The following FGF13 variants were observed in gnomAD, a reference collection of about 807,000 sequenced individuals.
The protein encoded by FGF13 is fibroblast growth factor 13.
In FGF13, 2 loss-of-function variants were observed where a neutral mutation model predicts 19.5. That is an observed-to-expected ratio of 0.10 (90% CI 0.04 to 0.32). The LOEUF (loss-of-function observed/expected upper bound fraction) is 0.32. Among genes scored for constraint, FGF13 ranks in the 10% least tolerant of loss-of-function variants. The pLI is 1.00. For synonymous variants in FGF13, 72 were observed against 76.9 expected (o/e 0.94, Z 0.33); for missense variants, 113 against 192.7 (o/e 0.59, Z 2.45).
chrX:138,667,386 G>A (rs1441962607), intron 3 of FGF13, among the ~76,000 whole-genome samples: 5 of 109,348 alleles, frequency 4.6e-5, no homozygotes, highest in Non-Finnish European at 9.5e-5. Flanking sequence ...CTCTTGGTTG[G>A]GGGACTTTGT....
intron 1 of FGF13, among the ~76,000 whole-genome samples, chrX:138,936,881 G>A (rs781517811): frequency 1.2e-4 from 13 of 111,821 alleles, no homozygotes; most frequent in Non-Finnish European, 2.4e-4. Flanking sequence ...ATAGGGTAAA[G>A]ATTATACTTC....
chrX:138,977,985 C>A lies in FGF13; in HGVS notation c.-112-113335G>T, dbSNP rs186669332. On this transcript the variant is annotated intron_variant, in intron 1 of 2. Coordinates refer to the FGF13 transcript ENST00000421460. ...AACTCCATTTTTTATTCAGATTAGC[C>A]GGATTTCAAGTGCTCAAGAGCCATA... Among the ~76,000 whole-genome samples the A allele has an allele frequency of 1.7e-3, 189 of 111,520 alleles. 1 individual carries two copies. Among genetic ancestry groups the A allele is most frequent in the African/African-American group, 5.9e-3 (180 of 30,691 alleles).
intron 1 of FGF13, among the ~76,000 whole-genome samples, chrX:138,727,926 T>C (rs1042784234): frequency 9.0e-6 from 1 of 111,699 alleles, no homozygotes; most frequent in Non-Finnish European, 1.9e-5. Flanking sequence ...TAACAATAAA[T>C]ATGAAAAAGA....
intron 1 of FGF13, among the ~76,000 whole-genome samples, chrX:139,075,725 G>A (rs966333786): frequency 3.6e-5 from 4 of 112,044 alleles, no homozygotes; most frequent in African/African-American, 6.5e-5. Flanking sequence ...TGCCATTAGT[G>A]CAGAATGGGT....
intron 3 of FGF13, among the ~76,000 whole-genome samples, chrX:138,687,730 C>T (rs1321246640): frequency 9.0e-6 from 1 of 111,670 alleles, no homozygotes; most frequent in Non-Finnish European, 1.9e-5. Flanking sequence ...TTCACAATAG[C>T]CGTGATATGG....
intron 3 of FGF13, among the ~76,000 whole-genome samples, chrX:138,770,810 G>T: frequency 9.0e-6 from 1 of 111,499 alleles, no homozygotes; most frequent in East Asian, 2.8e-4. Flanking sequence ...ATATAAAAAG[G>T]CACCAGCTCG....
At chrX:138,764,047 C>A (rs1281809138) in intron 3 of FGF13, among the ~76,000 whole-genome samples, 1 of 111,478 alleles carries the variant, frequency 9.0e-6, no homozygotes, top group African/African-American at 3.3e-5. Context: ...CTTTACTTCC[C>A]CCTGCATGAG....
chrX:138,913,773 A>G (rs759251605), intron 1 of FGF13, among the ~76,000 whole-genome samples: 4 of 110,262 alleles, frequency 3.6e-5, no homozygotes, highest in Non-Finnish European at 7.6e-5. Flanking sequence ...ATATGACTTG[A>G]CTGTTTTTTC....
intron 1 of FGF13, among the ~76,000 whole-genome samples, chrX:139,184,591 C>CT (rs1378340749): frequency 9.0e-6 from 1 of 110,830 alleles, no homozygotes; most frequent in Non-Finnish European, 1.9e-5. Context: ...GATAACATAT[C>CT]TTTTTTACCT....
intron 1 of FGF13, among the ~76,000 whole-genome samples, chrX:139,174,722 T>C (rs1376197433): frequency 1.8e-5 from 2 of 111,815 alleles, no homozygotes; most frequent in Non-Finnish European, 3.8e-5. Flanking sequence ...GTGGCTTTAT[T>C]TCTGAGGCCT....
At chrX:139,024,641 A>T (rs1166537957) in intron 1 of FGF13, among the ~76,000 whole-genome samples, 1 of 111,397 alleles carries the variant, frequency 9.0e-6, no homozygotes, top group Non-Finnish European at 1.9e-5. Context: ...AGATTAATTC[A>T]TATACTTCCT....
chrX:139,148,718 G>C (rs1160425510), intron 1 of FGF13, among the ~76,000 whole-genome samples: 2 of 110,734 alleles, frequency 1.8e-5, no homozygotes, highest in African/African-American at 6.6e-5. Context: ...ACACTGAAAG[G>C]CCAGGGATGT....
intron 1 of FGF13, among the ~76,000 whole-genome samples, chrX:138,978,048 T>G (rs2091946819): frequency 9.0e-6 from 1 of 111,360 alleles, no homozygotes; most frequent in South Asian, 3.8e-4. Flanking sequence ...GCAGCTATCA[T>G]AGCAGAAAGT....
chrX:139,195,483 GTTGTTTAC>G (rs2084364430), intron 1 of FGF13, among the ~76,000 whole-genome samples: 1 of 112,360 alleles, frequency 8.9e-6, no homozygotes, highest in Non-Finnish European at 1.9e-5. Context: ...TCTTCTTTAG[GTTGTTTAC>G]TTCTACTTTT....
At chrX:138,782,414 C>CAA (rs2090652521) in intron 3 of FGF13, among the ~76,000 whole-genome samples, 1 of 110,472 alleles carries the variant, frequency 9.1e-6, no homozygotes, top group South Asian at 3.9e-4. Context: ...CTAGAAAACC[C>CAA]CATTGTCTCA....
chrX:138,963,643 A>G (rs1460420403), intron 1 of FGF13, among the ~76,000 whole-genome samples: 1 of 112,279 alleles, frequency 8.9e-6, no homozygotes, highest in East Asian at 2.8e-4. Flanking sequence ...CAGTCTCACT[A>G]TGTTGCCCAG....
intron 1 of FGF13, among the ~76,000 whole-genome samples, chrX:138,935,159 C>T (rs1489112003): frequency 9.0e-6 from 1 of 110,720 alleles, no homozygotes; most frequent in Admixed American, 9.6e-5. Context: ...GTTGGGCGGC[C>T]CCTTCAATGG....
chrX:139,162,488 T>C (rs1332200944), intron 1 of FGF13, among the ~76,000 whole-genome samples: 1 of 112,041 alleles, frequency 8.9e-6, no homozygotes, highest in Non-Finnish European at 1.9e-5. Context: ...CGGGCAAAGA[T>C]GTCACGACTG....
chrX:138,809,730 G>A (rs1043983893), intron 3 of FGF13, among the ~76,000 whole-genome samples: 2 of 111,914 alleles, frequency 1.8e-5, no homozygotes, highest in Non-Finnish European at 3.8e-5. Context: ...AAGCTGATAA[G>A]CAACTTCAGG....
Sources: allele counts gnomAD v4.1 joint callset (sites outside exome capture counted in the v4.1 genomes callset), GRCh38; gene constraint gnomAD v4.1.1; transcripts MANE v1.5; gene names NCBI Gene and HGNC (gene_info 2026-07-23, HGNC 2026-07-21).